The following CDK17 variants were observed in gnomAD, a reference collection of about 807,000 sequenced individuals.
CDK17 encodes cyclin-dependent kinase 17.
Under a neutral mutation model 77.6 loss-of-function variants are expected in CDK17, and 24 were observed. That is an observed-to-expected ratio of 0.31 (90% CI 0.22 to 0.44). CDK17 has a LOEUF of 0.44. Among genes scored for constraint, CDK17 ranks in the 20% least tolerant of loss-of-function variants. The pLI is 1.00. For synonymous variants in CDK17, 203 were observed against 210.4 expected, an observed-to-expected ratio of 0.96 and a Z score of 0.30; for missense variants, 429 against 622.5, an observed-to-expected ratio of 0.69 and a Z score of 3.31.
At chr12:96,316,680 C>G (rs543015644) in intron 3 of CDK17, among the ~76,000 whole-genome samples, 1 of 127,340 alleles carries the variant, frequency 7.9e-6, no homozygotes, top group Admixed American at 8.6e-5. Flanking sequence ...CTGTGAGGCA[C>G]CCCCCAGCAG....
intron 5 of CDK17, among the ~76,000 whole-genome samples, chr12:96,302,820 T>C (rs1555200278): frequency 6.6e-6 from 1 of 152,100 alleles, no homozygotes; most frequent in Non-Finnish European, 1.5e-5. Context: ...TAAAGACAAA[T>C]ATGTAAGAGG....
In CDK17 at chr12:96,341,369, C is replaced by G. The variant is rs79068029; in HGVS notation, c.-29-6504G>C. Among the ~76,000 whole-genome samples the G allele has an allele frequency of 2.6e-5, 4 of 151,324 alleles. 1 individual carries two copies. In the East Asian group the frequency reaches 7.8e-4, roughly 29 times the overall value. Reference sequence around the variant, plus strand: ...CGTCTCATATATGTACGTGTGTGTACTGCAAAACTAATGTTTTTCTAGATG... The same window carrying G: ...CGTCTCATATATGTACGTGTGTGTAGTGCAAAACTAATGTTTTTCTAGATG... On this transcript the variant is annotated intron_variant, in intron 1 of 16. Transcript: ENST00000261211.
At chr12:96,301,241 CAAAAA>C (rs376295045) in intron 5 of CDK17, among the ~76,000 whole-genome samples, 1 of 85,578 alleles carries the variant, frequency 1.2e-5, no homozygotes, top group Non-Finnish European at 2.3e-5. Flanking sequence ...AACACTCGGC[CAAAAA>C]AAAAAAAAAA....
Position 96,400,199 on chromosome 12 carries a change from G to A in CDK17, c.-243C>T. ...GGGAGGGGCCGCGGGTGTCTCACGC[G>A]TTGCCAAGTCCCTCGGTCAACATGG... On this transcript the variant is annotated 5_prime_UTR_variant, in exon 1 of 17. It adds an upstream start codon to the 5' untranslated region. Coordinates refer to ENST00000261211, the MANE Select transcript of CDK17 (RefSeq NM_002595.5). The A allele has an allele frequency of 2.5e-6, 1 of 394,726 alleles. No homozygotes were observed. Among genetic ancestry groups the A allele is most frequent in the East Asian group, 3.6e-5 (1 of 27,808 alleles). The allele number at this position is 394,726 out of a possible 1,614,324, so 24.5% of individuals were successfully genotyped here.
intron 1 of CDK17, among the ~76,000 whole-genome samples, chr12:96,391,585 C>T (rs1954069160): frequency 6.6e-6 from 1 of 152,202 alleles, no homozygotes; most frequent in African/African-American, 2.4e-5. Flanking sequence ...GCCACCGCGG[C>T]AGGCCAGTTT....
intron 1 of CDK17, among the ~76,000 whole-genome samples, chr12:96,371,957 T>C (rs569823272): frequency 2.5e-4 from 38 of 151,580 alleles, no homozygotes; most frequent in Non-Finnish European, 3.2e-4. Context: ...TTGCTTATCA[T>C]GTTAAAAAGA....
At chr12:96,307,878 G>GAC (rs71097278) in intron 5 of CDK17, among the ~76,000 whole-genome samples, 21 of 151,154 alleles carry the variant, frequency 1.4e-4, no homozygotes, top group Non-Finnish European at 2.4e-4. Flanking sequence ...CACACACACA[G>GAC]ACACACACAC....
chr12:96,317,352 G>A (rs1475432824), intron 3 of CDK17, among the ~76,000 whole-genome samples: 10 of 110,704 alleles, frequency 9.0e-5, no homozygotes, highest in Non-Finnish European at 1.5e-4. Flanking sequence ...GCGGAGAATG[G>A]AACCAAGTTG....
chr12:96,373,877 G>A (rs538230803), intron 1 of CDK17, among the ~76,000 whole-genome samples: 4 of 152,168 alleles, frequency 2.6e-5, no homozygotes, highest in South Asian at 2.1e-4. Context: ...CCAAGATCGC[G>A]CCATTGCACT....
chr12:96,319,288 G>A (rs1952780740), intron 3 of CDK17, among the ~76,000 whole-genome samples: 1 of 145,026 alleles, frequency 6.9e-6, no homozygotes, highest in Admixed American at 6.9e-5. Flanking sequence ...AACAGGAGCT[G>A]AAATTGTGGC....
chr12:96,375,510 CT>C (rs34451499), intron 1 of CDK17, among the ~76,000 whole-genome samples: 1,384 of 101,570 alleles, frequency 0.014, 15 homozygotes, highest in African/African-American at 0.042. Flanking sequence ...TGATCCTAAC[CT>C]TTTTTTTTTT....
At chr12:96,354,748 G>A (rs1353607566) in intron 1 of CDK17, among the ~76,000 whole-genome samples, 1 of 152,004 alleles carries the variant, frequency 6.6e-6, no homozygotes, top group Non-Finnish European at 1.5e-5. Context: ...GCCAGGCAGG[G>A]TGGCACATGT....
At chr12:96,319,563 A>G (rs1952786052) in intron 3 of CDK17, among the ~76,000 whole-genome samples, 1 of 143,990 alleles carries the variant, frequency 6.9e-6, no homozygotes, top group African/African-American at 2.6e-5. Flanking sequence ...AAATACTGGC[A>G]AACGGAATCC....
intron 1 of CDK17, among the ~76,000 whole-genome samples, chr12:96,345,544 T>C (rs911207686): frequency 2.6e-5 from 4 of 152,210 alleles, no homozygotes; most frequent in Admixed American, 6.5e-5. Context: ...TGTTATCTCA[T>C]TGTGATTTTG....
At chr12:96,387,145 C>G (rs1408782445) in intron 1 of CDK17, 1 of 261,038 alleles carries the variant, frequency 3.8e-6, no homozygotes, top group African/African-American at 2.3e-5. Context: ...CTTTTCAATT[C>G]AAGGTTACAG....
At chr12:96,323,266 T>C (rs1418603161) in intron 3 of CDK17, among the ~76,000 whole-genome samples, 1 of 114,292 alleles carries the variant, frequency 8.7e-6, no homozygotes, top group Non-Finnish European at 1.8e-5. Flanking sequence ...GACCCCGTCT[T>C]CTAAAAAAAA....
At chr12:96,317,098 A>T (rs1480241669) in intron 3 of CDK17, among the ~76,000 whole-genome samples, 1 of 138,926 alleles carries the variant, frequency 7.2e-6, no homozygotes, top group African/African-American at 2.6e-5. Context: ...TAACCAATAC[A>T]GAGAAGTGCT....
intron 1 of CDK17, among the ~76,000 whole-genome samples, chr12:96,367,855 A>C (rs1447007568): frequency 1.6e-5 from 1 of 61,410 alleles, no homozygotes; most frequent in Admixed American, 1.9e-4. Flanking sequence ...ATCTCTACTT[A>C]AAAAAAAAAA....
chr12:96,353,345 T>C (rs912720362), intron 1 of CDK17, among the ~76,000 whole-genome samples: 2 of 152,232 alleles, frequency 1.3e-5, no homozygotes, highest in East Asian at 1.9e-4. Context: ...TTCCATTGTA[T>C]GGCTATACTA....
Sources: gnomAD v4.1 joint callset for allele counts (sites outside exome capture counted in the v4.1 genomes callset) on GRCh38, gnomAD v4.1.1 for gene constraint, MANE v1.5 for transcripts, NCBI Gene and HGNC (gene_info 2026-07-23, HGNC 2026-07-21) for gene names.